Variants in SDK2 observed in about 807,000 individuals in gnomAD.
SDK2 encodes the protein sidekick cell adhesion molecule 2.
SDK2 carries 105 observed loss-of-function variants against 253.9 expected under a neutral mutation model. That is an observed-to-expected ratio of 0.41 (90% CI 0.35 to 0.49). SDK2 has a LOEUF of 0.49. Ranked by LOEUF, SDK2 falls within the 20% of genes least tolerant of loss-of-function variation. The probability of loss-of-function intolerance (pLI) is 0.06; values close to 1 mark genes in which losing one functional copy is unlikely to be tolerated. For missense variants in SDK2, 2,608 were observed against 3,003.0 expected, an observed-to-expected ratio of 0.87 and a Z score of 3.07; for synonymous variants, 1,249 against 1,234.9, an observed-to-expected ratio of 1.01 and a Z score of -0.24.
At position 73,379,530 on chromosome 17, in the gene SDK2, C is replaced by T. The variant is rs2062813237; in HGVS notation, c.4782G>A (p.Arg1594=). 1 of 1,612,088 alleles carries T rather than the reference C, an allele frequency of 6.2e-7. No homozygotes were observed. The highest frequency in any genetic ancestry group is 8.5e-7 in the Non-Finnish European group (1 of 1,178,882). Reference sequence around the variant, plus strand: ...TGTACACGCTCATCCGTATCTCGTACCGCCTGTGCTTGTTCAGGTCTGTGG... The same window carrying T: ...TGTACACGCTCATCCGTATCTCGTATCGCCTGTGCTTGTTCAGGTCTGTGG... ...YELDNLNKHR[R]YEIRMSVYNA... Residue 1594 remains arginine, a synonymous_variant, in exon 35 of 45, where the codon CGG becomes CGA. Transcript: ENST00000392650. The surrounding 1 kb of genome is among the most constrained non-coding windows in gnomAD (Gnocchi z 4.5).
At chr17:73,377,898 C>A (rs903020109) in intron 36 of SDK2, among the ~76,000 whole-genome samples, 1 of 152,132 alleles carries the variant, frequency 6.6e-6, no homozygotes, top group African/African-American at 2.4e-5. Context: ...AGGTGTGAGC[C>A]ACCGCACCCG....
chr17:73,529,418 G>A (rs1382359006), intron 1 of SDK2, among the ~76,000 whole-genome samples: 1 of 152,146 alleles, frequency 6.6e-6, no homozygotes, highest in Non-Finnish European at 1.5e-5. Context: ...AACAAGGCAG[G>A]CTAGGATTAT....
chr17:73,599,285 A>C lies in SDK2; in HGVS notation c.64+44740T>G, dbSNP rs1289271531. ...GGTGGCTCACGCCTGTAATCCCAGCACTTTGGGAGGCCGAAGGGGGTGGAT... is the reference window on the plus strand; with the variant it reads ...GGTGGCTCACGCCTGTAATCCCAGCCCTTTGGGAGGCCGAAGGGGGTGGAT... On this transcript the variant is annotated intron_variant, in intron 1 of 44. Transcript: ENST00000392650. 2.0e-5 allele frequency among the ~76,000 whole-genome samples: 3 copies of C among 152,174 alleles called. No individual in the cohort carries two copies. In the East Asian group the frequency reaches 5.8e-4, roughly 29 times the overall value.
chr17:73,550,122 G>T (rs1567837397), intron 1 of SDK2, among the ~76,000 whole-genome samples: 1 of 152,174 alleles, frequency 6.6e-6, no homozygotes, highest in Non-Finnish European at 1.5e-5. Context: ...CTGCATGGCA[G>T]GTCTAGTGCT....
chr17:73,363,603 C>T (rs1460216927), intron 38 of SDK2, among the ~76,000 whole-genome samples: 2 of 152,158 alleles, frequency 1.3e-5, no homozygotes, highest in Non-Finnish European at 2.9e-5. Context: ...GGTGTGGACA[C>T]TGGGCTGTCC....
At chr17:73,472,994 C>G (rs1422552584) in intron 2 of SDK2, among the ~76,000 whole-genome samples, 1 of 152,220 alleles carries the variant, frequency 6.6e-6, no homozygotes, top group African/African-American at 2.4e-5. Context: ...AAACCTCTTT[C>G]TTTCGTAAAT....
intron 1 of SDK2, among the ~76,000 whole-genome samples, chr17:73,543,966 C>G (rs1445826100): frequency 2.0e-5 from 3 of 152,168 alleles, no homozygotes; most frequent in Non-Finnish European, 4.4e-5. Flanking sequence ...CTAGGGGACA[C>G]CAGGAGAGCT....
intron 37 of SDK2, among the ~76,000 whole-genome samples, chr17:73,366,808 G>C (rs1337351507): frequency 6.6e-6 from 1 of 152,060 alleles, no homozygotes; most frequent in Non-Finnish European, 1.5e-5. Flanking sequence ...TCTGCACACA[G>C]GCAGCAGGAT....
At position 73,424,042 on chromosome 17, in the gene SDK2, C is replaced by T. The variant is rs770497731; in HGVS notation, c.1634G>A (p.Arg545His). ...GATLGTESHP[R>H]IRLDRNGSLH... ...GGAGCCGTTTCTGTCCAGGCGGATA[C>T]GAGGATGGCTCTCCGTGCCCAGGGT... The change falls in exon 13 of 45, where the codon CGT (arginine) becomes CAT (histidine). Residue 545 changes from arginine to histidine, a missense_variant. By Grantham distance (29) the Arg-to-His change is conservative. Around this residue, in one of 2 missense-constraint regions of SDK2, gnomAD observed 1,505 missense variants for 1,859.1 expected, o/e 0.81. Coordinates refer to ENST00000392650, the MANE Select transcript of SDK2 (RefSeq NM_001144952.2). 44 of 1,612,882 alleles carry T rather than the reference C, an allele frequency of 2.7e-5. 1 individual carries two copies. Among genetic ancestry groups the T allele is most frequent in the Middle Eastern group, 3.3e-4 (2 of 6,082 alleles).
At chr17:73,533,878 C>T (rs2064191380) in intron 1 of SDK2, among the ~76,000 whole-genome samples, 1 of 152,158 alleles carries the variant, frequency 6.6e-6, no homozygotes, top group African/African-American at 2.4e-5. Context: ...CTTTTCTCCC[C>T]CATCTGTTGT....
chr17:73,445,445 C>T (rs1192121739), intron 5 of SDK2, among the ~76,000 whole-genome samples: 3 of 152,258 alleles, frequency 2.0e-5, no homozygotes, highest in East Asian at 1.9e-4. Context: ...TGTGACAGTC[C>T]GAATGAGGTC....
At chr17:73,341,792 A>G (rs12941222) in intron 44 of SDK2, among the ~76,000 whole-genome samples, 42,058 of 152,098 alleles carry the variant, frequency 0.28, 6,769 homozygotes, top group East Asian at 0.6. Context: ...TAGAACTATA[A>G]TGATCCCCGC....
At chr17:73,475,559 A>G (rs2063680837) in intron 2 of SDK2, among the ~76,000 whole-genome samples, 1 of 152,244 alleles carries the variant, frequency 6.6e-6, no homozygotes, top group South Asian at 2.1e-4. Flanking sequence ...GAAAGCTAGA[A>G]GCAAACTAAA....
At chr17:73,524,575 C>G (rs1356938742) in intron 1 of SDK2, among the ~76,000 whole-genome samples, 1 of 152,218 alleles carries the variant, frequency 6.6e-6, no homozygotes, top group Non-Finnish European at 1.5e-5. Context: ...GCCCTCTTCC[C>G]TCTAGCATGA....
intron 10 of SDK2, among the ~76,000 whole-genome samples, chr17:73,432,094 G>A (rs1473738800): frequency 6.6e-6 from 1 of 152,012 alleles, no homozygotes; most frequent in Non-Finnish European, 1.5e-5. Context: ...TGCTTCTGGG[G>A]AGAGTCACCT....
At chr17:73,442,364 C>CG (rs1407218816) in intron 5 of SDK2, among the ~76,000 whole-genome samples, 1 of 147,914 alleles carries the variant, frequency 6.8e-6, no homozygotes, top group African/African-American at 2.5e-5. Flanking sequence ...TTTTTTTGGA[C>CG]GGAGTCTGGC....
At chr17:73,505,071 A>G (rs2063924718) in intron 2 of SDK2, among the ~76,000 whole-genome samples, 1 of 152,230 alleles carries the variant, frequency 6.6e-6, no homozygotes, top group South Asian at 2.1e-4. Context: ...TTTCCCTTGA[A>G]TAACTTCCAC....
At chr17:73,421,390 T>A (rs556219762) in intron 15 of SDK2, among the ~76,000 whole-genome samples, 16 of 152,198 alleles carry the variant, frequency 1.1e-4, no homozygotes, top group Non-Finnish European at 2.2e-4. Flanking sequence ...AAGAGCCAAG[T>A]GCAAGGCTTT....
chr17:73,379,309 G>A lies in SDK2; in HGVS notation c.4865-17C>T. The A allele has an allele frequency of 6.8e-7, 1 of 1,481,424 alleles. No individual in the cohort carries two copies. Among genetic ancestry groups the A allele is most frequent in the Non-Finnish European group, 9.1e-7 (1 of 1,094,490 alleles). 91.8% of individuals were successfully genotyped at this position (1,481,424 alleles called of 1,614,324 possible). A position where few individuals can be genotyped will look rare whatever the true frequency, so the allele number is the denominator to read the frequency against. On this transcript the variant is annotated splice_polypyrimidine_tract_variant and intron_variant, in intron 35 of 44. Transcript: ENST00000392650. The surrounding 1 kb of genome is among the most constrained non-coding windows in gnomAD (Gnocchi z 4.5). Reference sequence around the variant, plus strand: ...CTGTGGGCACTGGAGGGCGTGCAGGGTAGGCAGTGAGCATGCGAGTAAACC... The same window carrying A: ...CTGTGGGCACTGGAGGGCGTGCAGGATAGGCAGTGAGCATGCGAGTAAACC...
Sources: gnomAD v4.1 joint callset for allele counts (sites outside exome capture counted in the v4.1 genomes callset) on GRCh38, gnomAD v4.1.1 for gene constraint, gnomAD v4.1.1 regional missense constraint, Gnocchi (gnomAD v3.1) non-coding constraint, MANE v1.5 for transcripts, NCBI Gene and HGNC (gene_info 2026-07-23, HGNC 2026-07-21) for gene names.